Variants in ZNRF1 observed in about 807,000 individuals in gnomAD.
ZNRF1 encodes the protein E3 ubiquitin-protein ligase ZNRF1.
In ZNRF1, 3 loss-of-function variants were observed where a neutral mutation model predicts 18.4. The observed-to-expected ratio is 0.16, with a 90% CI of 0.07 to 0.42. The LOEUF is 0.42. Ranked by LOEUF, ZNRF1 falls within the 10% of genes least tolerant of loss-of-function variation. ZNRF1 has a pLI of 0.99. For synonymous variants in ZNRF1, 157 were observed against 144.2 expected, an observed-to-expected ratio of 1.09 and a Z score of -0.64; for missense variants, 310 against 329.8, an observed-to-expected ratio of 0.94 and a Z score of 0.47.
chr16:75,081,541 C>G (rs761017294), intron 1 of ZNRF1, among the ~76,000 whole-genome samples: 1 of 152,170 alleles, frequency 6.6e-6, no homozygotes, highest in African/African-American at 2.4e-5. Context: ...TCAAGCCACT[C>G]TAAGGAGTGT....
At chr16:75,104,731 C>A in intron 2 of ZNRF1, 53 bp from the exon 3 acceptor site, 1 of 1,507,938 alleles carries the variant, frequency 6.6e-7, no homozygotes, top group Middle Eastern at 2.3e-4. Flanking sequence ...TGCCCCATGC[C>A]ACCTGTCCAC....
At chr16:75,104,646 G>A in intron 2 of ZNRF1, 138 bp from the exon 3 acceptor site, 1 of 636,118 alleles carries the variant, frequency 1.6e-6, no homozygotes, top group South Asian at 2.0e-5. Flanking sequence ...CGTCCCTCTT[G>A]GGGTTCTGTG....
chr16:75,063,046 A>G (rs914536310), intron 1 of ZNRF1, among the ~76,000 whole-genome samples: 4 of 152,222 alleles, frequency 2.6e-5, no homozygotes, highest in African/African-American at 9.6e-5. Context: ...CTAACTTTTC[A>G]GAGGCTTTAT....
At chr16:75,095,722 C>T (rs760597847) in intron 2 of ZNRF1, 12 of 1,543,316 alleles carry the variant, frequency 7.8e-6, no homozygotes, top group South Asian at 3.6e-5. Flanking sequence ...TGCAGAGTTA[C>T]CCCCACTGCC....
intron 1 of ZNRF1, among the ~76,000 whole-genome samples, chr16:75,014,269 T>A (rs1001024834): frequency 3.3e-5 from 5 of 152,178 alleles, no homozygotes; most frequent in Non-Finnish European, 7.4e-5. Flanking sequence ...TCTCTTTCCC[T>A]CTCCAAAGGG....
At chr16:75,010,345 G>A (rs551861538) in intron 1 of ZNRF1, among the ~76,000 whole-genome samples, 1 of 152,096 alleles carries the variant, frequency 6.6e-6, no homozygotes, top group Non-Finnish European at 1.5e-5. Flanking sequence ...TTAAAGCCTT[G>A]TTTATGATAG....
chr16:75,096,214 G>A (rs1054006842), intron 2 of ZNRF1, among the ~76,000 whole-genome samples: 13 of 152,274 alleles, frequency 8.5e-5, no homozygotes, highest in Admixed American at 2.0e-4. Flanking sequence ...GTCTCAACGT[G>A]GTGAAGTGCT....
At chr16:75,042,216 A>G (rs1052575699) in intron 1 of ZNRF1, among the ~76,000 whole-genome samples, 1 of 152,128 alleles carries the variant, frequency 6.6e-6, no homozygotes, top group African/African-American at 2.4e-5. Flanking sequence ...CTTATATGGT[A>G]TCTTTGGAAG....
At chr16:75,000,148 A>C in intron 1 of ZNRF1, 53 bp downstream of exon 1, 1 of 1,561,818 alleles carries the variant, frequency 6.4e-7, no homozygotes, top group South Asian at 1.2e-5. Context: ...GGGGCGCCCC[A>C]AGCCTTCGCG....
intron 1 of ZNRF1, among the ~76,000 whole-genome samples, chr16:75,015,017 C>T (rs561618816): frequency 2.0e-5 from 3 of 151,932 alleles, no homozygotes; most frequent in African/African-American, 7.2e-5. Context: ...CTGGTTTGTA[C>T]GAATTTGTTT....
At chr16:75,059,243 TTC>T (rs1491487956) in intron 1 of ZNRF1, among the ~76,000 whole-genome samples, 180 of 85,454 alleles carry the variant, frequency 2.1e-3, no homozygotes, top group Middle Eastern at 0.013. Flanking sequence ...TTTTTTTTTT[TTC>T]TTTTTTTTTT....
At chr16:75,018,027 C>T (rs2035093431) in intron 1 of ZNRF1, among the ~76,000 whole-genome samples, 2 of 152,102 alleles carry the variant, frequency 1.3e-5, no homozygotes, top group Non-Finnish European at 2.9e-5. Context: ...TTCTTTACCT[C>T]TAAAGTGAAG....
At chr16:75,102,459 C>T in intron 2 of ZNRF1, among the ~76,000 whole-genome samples, 1 of 152,156 alleles carries the variant, frequency 6.6e-6, no homozygotes, top group East Asian at 1.9e-4. Context: ...CAGTTAAGTT[C>T]CTTTAGTGAC....
chr16:75,010,717 T>G (rs375929075), intron 1 of ZNRF1, among the ~76,000 whole-genome samples: 32 of 54,502 alleles, frequency 5.9e-4, no homozygotes, highest in South Asian at 1.5e-3. Context: ...TTTTGTTTTT[T>G]TGTTTTTTTT....
intron 1 of ZNRF1, among the ~76,000 whole-genome samples, chr16:75,018,814 C>T (rs1015226456): frequency 6.6e-6 from 1 of 150,464 alleles, no homozygotes; most frequent in African/African-American, 2.5e-5. Context: ...TGGATTTTTG[C>T]ACATATGTCA....
intron 2 of ZNRF1, among the ~76,000 whole-genome samples, chr16:75,099,011 T>C (rs2036228602): frequency 6.6e-6 from 1 of 152,100 alleles, no homozygotes; most frequent in South Asian, 2.1e-4. Flanking sequence ...GGTTCCTCCA[T>C]CCACCTTGGG....
chr16:75,064,006 A>G (rs1043699687), intron 1 of ZNRF1, among the ~76,000 whole-genome samples: 4 of 152,160 alleles, frequency 2.6e-5, no homozygotes, highest in African/African-American at 9.7e-5. Flanking sequence ...TTTTAAAGAG[A>G]CAGGGTTTTG....
chr16:75,106,629 G>A (rs2036319581), intron 4 of ZNRF1, 58 bp downstream of exon 4: 33 of 1,489,798 alleles, frequency 2.2e-5, no homozygotes, highest in South Asian at 1.6e-4. Flanking sequence ...TCACTTTGGG[G>A]GCCTGCAGTT....
rs1299490482 is a variant in ZNRF1 at position 75,034,619 on chromosome 16, T to C, written c.424+34524T>C. ...CCTTTAAGACCCTGCTTTCCGTTCT[T>C]TCGATTTTAACTTGATTAATTTTTT... On this transcript the variant is annotated intron_variant, in intron 1 of 4. Coordinates refer to ENST00000335325, the MANE Select transcript of ZNRF1 (RefSeq NM_032268.5). Among the ~76,000 whole-genome samples the C allele has an allele frequency of 2.0e-5, 3 of 152,164 alleles. No individual in the cohort carries two copies. In the East Asian group the frequency reaches 5.8e-4, roughly 29 times the overall value.
Sources: allele counts gnomAD v4.1 joint callset (sites outside exome capture counted in the v4.1 genomes callset), GRCh38; gene constraint gnomAD v4.1.1; transcripts MANE v1.5; gene names NCBI Gene and HGNC (gene_info 2026-07-23, HGNC 2026-07-21).